PDZRN3: variants seen among roughly 807,000 people sequenced by gnomAD.
PDZRN3 encodes the protein E3 ubiquitin-protein ligase PDZRN3.
PDZRN3 carries 38 observed loss-of-function variants against 85.7 expected under a neutral mutation model. That is an observed-to-expected ratio of 0.44 (90% CI 0.34 to 0.58). The LOEUF (loss-of-function observed/expected upper bound fraction) is 0.58. Among genes scored for constraint, PDZRN3 ranks in the 20% least tolerant of loss-of-function variants. The pLI, the probability that PDZRN3 is intolerant of heterozygous loss-of-function variation, is 0.01. For missense variants in PDZRN3, 1,629 were observed against 1,506.4 expected (o/e 1.08, Z -1.35); for synonymous variants, 759 against 638.0 (o/e 1.19, Z -2.86).
rs768158431 is a variant in PDZRN3, at chr3:73,400,880, TTAA to T, written c.1254+39_1254+41del. ...AGAACTTATTAGGCATTCTGTGTTCTTAATAATGACTCCTAAAATGAGACAAGG... is the reference window on the plus strand; with the variant it reads ...AGAACTTATTAGGCATTCTGTGTTCTTAATGACTCCTAAAATGAGACAAGG... On this transcript the variant is annotated intron_variant, in intron 5 of 9. Coordinates refer to ENST00000263666, the MANE Select transcript of PDZRN3 (RefSeq NM_015009.3). 5.8e-5 allele frequency: 80 copies of T among 1,372,190 alleles called. No homozygotes were observed. In the South Asian group the frequency reaches 8.7e-4, roughly 15 times the overall value. 85.0% of individuals were successfully genotyped at this position (1,372,190 alleles called of 1,614,324 possible).
intron 3 of PDZRN3, among the ~76,000 whole-genome samples, chr3:73,597,113 T>C (rs574989105): frequency 6.6e-6 from 1 of 152,322 alleles, no homozygotes; most frequent in East Asian, 1.9e-4. Flanking sequence ...TATTACTTTA[T>C]TTTTAAATAA....
chr3:73,386,862 G>GCTA (rs35517672), intron 8 of PDZRN3, among the ~76,000 whole-genome samples: 107,699 of 151,390 alleles, frequency 0.71, 38,267 homozygotes, highest in East Asian at 0.84. Context: ...CTGTCTCTCG[G>GCTA]CTTTTTCAAT....
At chr3:73,491,348 T>C (rs1029755135) in intron 3 of PDZRN3, among the ~76,000 whole-genome samples, 5 of 152,164 alleles carry the variant, frequency 3.3e-5, no homozygotes, top group Admixed American at 6.5e-5. Context: ...AATCTTGATA[T>C]CTGAATGCTT....
At chr3:73,425,310 G>A (rs934797301) in intron 3 of PDZRN3, among the ~76,000 whole-genome samples, 4 of 152,100 alleles carry the variant, frequency 2.6e-5, no homozygotes, top group Admixed American at 1.3e-4. Flanking sequence ...GAGCCACCGC[G>A]CCCAGCCATC....
intron 3 of PDZRN3, among the ~76,000 whole-genome samples, chr3:73,454,346 C>G (rs770518527): frequency 2.0e-5 from 3 of 152,136 alleles, no homozygotes; most frequent in Non-Finnish European, 4.4e-5. Context: ...CCACCTCTTT[C>G]TTTTCCCTCA....
At chr3:73,395,724 A>G (rs1701621661) in intron 5 of PDZRN3, among the ~76,000 whole-genome samples, 1 of 152,348 alleles carries the variant, frequency 6.6e-6, no homozygotes, top group South Asian at 2.1e-4. Context: ...TGGGATACAG[A>G]AATATCTTTA....
At chr3:73,595,385 T>C (rs1242480545) in intron 3 of PDZRN3, among the ~76,000 whole-genome samples, 1 of 152,194 alleles carries the variant, frequency 6.6e-6, no homozygotes, top group Non-Finnish European at 1.5e-5. Flanking sequence ...ATATGGTAAA[T>C]GGGGATCAGT....
At chr3:73,567,523 C>CA (rs1701970550) in intron 3 of PDZRN3, among the ~76,000 whole-genome samples, 1 of 151,938 alleles carries the variant, frequency 6.6e-6, no homozygotes, top group South Asian at 2.1e-4. Context: ...TCAAGCAGAA[C>CA]AAGAACAAGC....
chr3:73,583,671 C>G (rs1293633824), intron 3 of PDZRN3, among the ~76,000 whole-genome samples: 2 of 152,158 alleles, frequency 1.3e-5, no homozygotes. Context: ...AGGATGGCCT[C>G]TGGTCTGTAC....
intron 3 of PDZRN3, among the ~76,000 whole-genome samples, chr3:73,597,817 C>A (rs1299610849): frequency 1.3e-5 from 2 of 150,538 alleles, no homozygotes; most frequent in African/African-American, 4.9e-5. Flanking sequence ...TTGCTGGTTT[C>A]TTAGTAGGCC....
At chr3:73,513,520 A>G (rs1704204566) in intron 3 of PDZRN3, among the ~76,000 whole-genome samples, 1 of 152,206 alleles carries the variant, frequency 6.6e-6, no homozygotes, top group Admixed American at 6.5e-5. Flanking sequence ...TTGTTTAACC[A>G]ATGCCCCTGA....
At chr3:73,616,912 C>T (rs902429116) in intron 1 of PDZRN3, among the ~76,000 whole-genome samples, 5 of 152,146 alleles carry the variant, frequency 3.3e-5, no homozygotes, top group East Asian at 1.9e-4. Flanking sequence ...CACATGAACC[C>T]GAATATTGCT....
rs569536905 is a variant in PDZRN3, at chr3:73,490,434, G to C, written c.919-86039C>G. Among the ~76,000 whole-genome samples the C allele has an allele frequency of 1.3e-4, 20 of 152,310 alleles. No individual in the cohort carries two copies. The South Asian group carries it at 4.1e-3, about 32-fold the overall frequency. ...ACAGTTTTCAGCTCCATATTTGACT[G>C]AAAAAGCCTCCCAGCCCCTCTCAAC... On this transcript the variant is annotated intron_variant, in intron 3 of 9. Coordinates refer to ENST00000263666, the MANE Select transcript of PDZRN3 (RefSeq NM_015009.3).
In PDZRN3 at chr3:73,588,117, G is replaced by T. The variant is rs115494690; in HGVS notation, c.918+14237C>A. Among the ~76,000 whole-genome samples the T allele has an allele frequency of 9.2e-3, 1,393 of 152,158 alleles. 40 individuals are homozygous for T. Among genetic ancestry groups the T allele is most frequent in the African/African-American group, 0.032 (1,320 of 41,498 alleles). On this transcript the variant is annotated intron_variant, in intron 3 of 9. Transcript: ENST00000263666. ...CACCCCTCAACAGGCCCTGGTGTGT[G>T]CTGTTCCTCTCTGTGTCCATGTGTT...
chr3:73,467,824 A>G (rs1224117377), intron 3 of PDZRN3, among the ~76,000 whole-genome samples: 1 of 152,200 alleles, frequency 6.6e-6, no homozygotes, highest in Admixed American at 6.5e-5. Context: ...ATAGTTACTC[A>G]TGCTAAGTGA....
chr3:73,395,408 T>C (rs1359383622), intron 5 of PDZRN3, among the ~76,000 whole-genome samples: 2 of 152,254 alleles, frequency 1.3e-5, no homozygotes, highest in Non-Finnish European at 2.9e-5. Context: ...CTGTTACTGG[T>C]ATCTTGTTGC....
intron 3 of PDZRN3, among the ~76,000 whole-genome samples, chr3:73,554,127 G>C (rs141020319): frequency 1.3e-5 from 2 of 152,238 alleles, no homozygotes; most frequent in Non-Finnish European, 2.9e-5. Flanking sequence ...GGGCTGATGT[G>C]GAGAATGGCC....
chr3:73,481,100 T>C (rs1230943765), intron 3 of PDZRN3, among the ~76,000 whole-genome samples: 2 of 152,230 alleles, frequency 1.3e-5, no homozygotes, highest in Non-Finnish European at 2.9e-5. Flanking sequence ...CCTGTACTGA[T>C]GCAGATACCC....
chr3:73,549,257 T>G (rs547599000), intron 3 of PDZRN3, among the ~76,000 whole-genome samples: 75 of 152,354 alleles, frequency 4.9e-4, no homozygotes, highest in African/African-American at 1.8e-3. Flanking sequence ...GCAGTGGCAG[T>G]GCACGACTTC....
Sources: allele counts gnomAD v4.1 joint callset (sites outside exome capture counted in the v4.1 genomes callset), GRCh38; gene constraint gnomAD v4.1.1; transcripts MANE v1.5; gene names NCBI Gene and HGNC (gene_info 2026-07-23, HGNC 2026-07-21).